The following DNAH11 variants were observed in gnomAD, a reference collection of about 807,000 sequenced individuals.
DNAH11 encodes dynein axonemal heavy chain 11.
DNAH11 carries 442 observed loss-of-function variants against 526.0 expected under a neutral mutation model. The ratio of observed to expected loss-of-function variants is 0.84; its 90% CI spans 0.78 to 0.91. The LOEUF (loss-of-function observed/expected upper bound fraction) is 0.91. Among genes scored for constraint, DNAH11 ranks in the 40% least tolerant of loss-of-function variants. The pLI is 0.00. For synonymous variants in DNAH11, 2,461 were observed against 1,935.9 expected, an observed-to-expected ratio of 1.27 and a Z score of -7.12; for missense variants, 6,989 against 5,448.7, an observed-to-expected ratio of 1.28 and a Z score of -8.90.
intron 49 of DNAH11, among the ~76,000 whole-genome samples, chr7:21,742,639 C>A (rs1178553710): frequency 6.6e-6 from 1 of 152,164 alleles, no homozygotes; most frequent in Non-Finnish European, 1.5e-5. Context: ...CACATCCAAA[C>A]CATTACCATA....
At chr7:21,804,031 G>A (rs1464192854) in intron 62 of DNAH11, among the ~76,000 whole-genome samples, 1 of 152,204 alleles carries the variant, frequency 6.6e-6, no homozygotes, top group Non-Finnish European at 1.5e-5. Context: ...GAAACGAGGG[G>A]GTACGTGTTT....
chr7:21,645,490 A>G (rs986151268), intron 28 of DNAH11, among the ~76,000 whole-genome samples: 4 of 152,196 alleles, frequency 2.6e-5, no homozygotes, highest in Non-Finnish European at 5.9e-5. Flanking sequence ...GATGTGGCCA[A>G]CGGCATGAGA....
chr7:21,543,724 C>G (rs1782689401), intron 1 of DNAH11, 128 bp downstream of exon 1: 6 of 1,021,710 alleles, frequency 5.9e-6, no homozygotes, highest in Non-Finnish European at 8.4e-6. Flanking sequence ...GCTTGAAGTC[C>G]CCATCCTGAG....
chr7:21,591,544 A>G lies in DNAH11; in HGVS notation c.2634A>G (p.Gln878=). 1 of 1,585,070 alleles carries G rather than the reference A, an allele frequency of 6.3e-7. No individual in the cohort carries two copies. The highest frequency in any genetic ancestry group is 8.6e-7 in the Non-Finnish European group (1 of 1,161,154). Residue 878 remains glutamine (Q), a synonymous_variant, in exon 14 of 82, where the codon CAA becomes CAG. Coordinates refer to ENST00000409508, the MANE Select transcript of DNAH11 (RefSeq NM_001277115.2). ...TTACAAAAAAATACAAGTTAATCCA[A>G]GGAGATGGCTGCAAGATCCACAACT... The part of the protein sequence containing the change: ...DLFTKKYKLI[Q]GDGCKIHNLV...
intron 45 of DNAH11, 119 bp downstream of exon 45, chr7:21,726,103 C>T: frequency 9.5e-7 from 1 of 1,047,272 alleles, no homozygotes; most frequent in South Asian, 2.0e-5. Context: ...CCACAGGCTG[C>T]CCAGGAAGCA....
intron 68 of DNAH11, among the ~76,000 whole-genome samples, chr7:21,857,981 G>T (rs1319413118): frequency 2.6e-5 from 4 of 151,738 alleles, no homozygotes; most frequent in Admixed American, 2.6e-4. Context: ...AAGATGAAAA[G>T]GTAGGCCACA....
chr7:21,614,811 G>A (rs929854444), intron 20 of DNAH11, among the ~76,000 whole-genome samples: 7 of 151,928 alleles, frequency 4.6e-5, no homozygotes, highest in Admixed American at 2.0e-4. Context: ...CCCAGCTCTC[G>A]GTACAAAAAC....
chr7:21,572,044 A>C, intron 8 of DNAH11, 71 bp downstream of exon 8: 2 of 1,315,184 alleles, frequency 1.5e-6, no homozygotes, highest in Non-Finnish European at 2.0e-6. Flanking sequence ...AAGATAGGTC[A>C]CAGTGATAAT....
chr7:21,599,175 T>A (rs1784977247), intron 14 of DNAH11, among the ~76,000 whole-genome samples: 1 of 152,242 alleles, frequency 6.6e-6, no homozygotes, highest in Non-Finnish European at 1.5e-5. Context: ...TCTTCCACAG[T>A]GGTTGAACTA....
At chr7:21,742,707 T>C (rs1346132260) in intron 49 of DNAH11, among the ~76,000 whole-genome samples, 2 of 152,218 alleles carry the variant, frequency 1.3e-5, no homozygotes, top group Non-Finnish European at 2.9e-5. Flanking sequence ...CTTTTGTATG[T>C]ATTCTTTAAC....
Position 21,687,275 on chromosome 7 carries a change from A to G in DNAH11, c.5778+20A>G. The G allele has an allele frequency of 6.4e-7, 1 of 1,562,388 alleles. No homozygotes were observed. The highest frequency in any genetic ancestry group is 1.4e-5 in the African/African-American group (1 of 73,360). On this transcript the variant is annotated intron_variant, in intron 33 of 81. Coordinates refer to ENST00000409508, the MANE Select transcript of DNAH11 (RefSeq NM_001277115.2). ...TACAAAGTAAGTTAGTAAGAGAATA[A>G]TGTGTAAAACTTTATTCTCTAACAT...
chr7:21,639,163 G>A, intron 28 of DNAH11, 98 bp downstream of exon 28: 1 of 1,393,562 alleles, frequency 7.2e-7, no homozygotes, highest in Non-Finnish European at 9.5e-7. Context: ...TGTCACGTGG[G>A]CCAGGAACTA....
chr7:21,851,726 C>T (rs759166869), intron 66 of DNAH11: 10 of 463,926 alleles, frequency 2.2e-5, no homozygotes, highest in African/African-American at 4.0e-5. Context: ...TCAGTGTTCC[C>T]GAGAAGCTGT....
chr7:21,629,929 T>C (rs2128457611), intron 25 of DNAH11, among the ~76,000 whole-genome samples: 1 of 152,284 alleles, frequency 6.6e-6, no homozygotes, highest in South Asian at 2.1e-4. Context: ...AGTGTTGTTA[T>C]TAAGGACTTA....
intron 66 of DNAH11, among the ~76,000 whole-genome samples, chr7:21,846,334 A>T (rs1432755324): frequency 1.3e-5 from 2 of 152,188 alleles, no homozygotes; most frequent in African/African-American, 4.8e-5. Context: ...TCTCACCATT[A>T]AGTACAATGT....
intron 44 of DNAH11, among the ~76,000 whole-genome samples, chr7:21,722,707 G>A (rs534197403): frequency 1.3e-5 from 2 of 152,234 alleles, no homozygotes; most frequent in South Asian, 2.1e-4. Flanking sequence ...TCAAGTGTTC[G>A]TGTCAGGGAC....
At chr7:21,829,075 G>A (rs371941532) in intron 65 of DNAH11, among the ~76,000 whole-genome samples, 56 of 152,162 alleles carry the variant, frequency 3.7e-4, no homozygotes, top group African/African-American at 1.3e-3. Context: ...GGTTTGCTAC[G>A]TTTGCTACAC....
chr7:21,665,216 A>G (rs969583342), intron 30 of DNAH11, among the ~76,000 whole-genome samples: 7 of 151,728 alleles, frequency 4.6e-5, no homozygotes, highest in African/African-American at 1.2e-4. Flanking sequence ...GTATTTAGAT[A>G]TGTTCTGTTT....
chr7:21,813,295 A>G (rs931674709), intron 63 of DNAH11, among the ~76,000 whole-genome samples: 2 of 152,222 alleles, frequency 1.3e-5, no homozygotes, highest in Non-Finnish European at 2.9e-5. Context: ...GAGCAAATAC[A>G]TGGAGTTATT....
Sources: allele counts gnomAD v4.1 joint callset (sites outside exome capture counted in the v4.1 genomes callset), GRCh38; gene constraint gnomAD v4.1.1; transcripts MANE v1.5; gene names NCBI Gene and HGNC (gene_info 2026-07-23, HGNC 2026-07-21).